PCSK5: variants seen among roughly 807,000 people sequenced by gnomAD.
PCSK5 encodes the protein prohormone convertase 5.
PCSK5 carries 129 observed loss-of-function variants against 233.2 expected under a neutral mutation model. The observed-to-expected ratio is 0.55, with a 90% CI of 0.48 to 0.64. PCSK5 has a LOEUF of 0.64. Ranked by LOEUF, PCSK5 falls within the 30% of genes least tolerant of loss-of-function variation. The pLI, the probability that PCSK5 is intolerant of heterozygous loss-of-function variation, is 0.00. For missense variants in PCSK5, 2,076 were observed against 2,430.1 expected (o/e 0.85, Z 3.06); for synonymous variants, 825 against 879.2 (o/e 0.94, Z 1.09).
chr9:76,157,283 G>T (rs573462773), intron 11 of PCSK5, 121 bp downstream of exon 11: 5 of 681,522 alleles, frequency 7.3e-6, no homozygotes, highest in Admixed American at 6.6e-5. Flanking sequence ...TCTCTCTAAT[G>T]TGACTATGAA....
chr9:76,206,299 G>T (rs1277601833), intron 20 of PCSK5, among the ~76,000 whole-genome samples: 1 of 152,172 alleles, frequency 6.6e-6, no homozygotes, highest in Non-Finnish European at 1.5e-5. Flanking sequence ...CAGCCACTTA[G>T]CATGTAACTT....
chr9:76,002,094 C>G (rs1458407859), intron 3 of PCSK5, among the ~76,000 whole-genome samples: 2 of 152,190 alleles, frequency 1.3e-5, no homozygotes, highest in Non-Finnish European at 2.9e-5. Context: ...CATTCAACAA[C>G]ATTTATTGAA....
At position 75,943,034 on chromosome 9, in the gene PCSK5, G is replaced by A. The variant is rs1246540144; in HGVS notation, c.297+10551G>A. Among the ~76,000 whole-genome samples, 9 of 151,856 alleles carry A rather than the reference G, an allele frequency of 5.9e-5. No individual in the cohort carries two copies. The South Asian group carries it at 6.3e-4, about 11-fold the overall frequency. On this transcript the variant is annotated intron_variant, in intron 2 of 37. Transcript: ENST00000674117. ...TGGGTAGCTGGGATTACAGGCGCTCGCCACCACACCTGGCTAATTTTTGTA... is the reference window on the plus strand; with the variant it reads ...TGGGTAGCTGGGATTACAGGCGCTCACCACCACACCTGGCTAATTTTTGTA...
chr9:76,224,596 T>C (rs1409140339), intron 20 of PCSK5, among the ~76,000 whole-genome samples: 1 of 151,724 alleles, frequency 6.6e-6, no homozygotes, highest in African/African-American at 2.4e-5. Flanking sequence ...TGACAGGGAG[T>C]CACCTAGGAT....
chr9:76,135,281 A>G (rs1210355182), intron 10 of PCSK5, among the ~76,000 whole-genome samples: 1 of 152,088 alleles, frequency 6.6e-6, no homozygotes, highest in Non-Finnish European at 1.5e-5. Context: ...TTCTGCCAGA[A>G]TGTATATTTT....
chr9:76,171,272 A>G (rs928838801), intron 13 of PCSK5, among the ~76,000 whole-genome samples: 3 of 152,158 alleles, frequency 2.0e-5, no homozygotes, highest in African/African-American at 7.2e-5. Context: ...GAGGTTGCAC[A>G]GGGTCATGGC....
At chr9:75,892,662 G>T (rs1026680791) in intron 1 of PCSK5, among the ~76,000 whole-genome samples, 5 of 152,200 alleles carry the variant, frequency 3.3e-5, no homozygotes, top group Non-Finnish European at 1.5e-5. Context: ...GGAACCCGGG[G>T]ACACCCCCCG....
At chr9:76,310,531 T>C (rs1828835272) in intron 29 of PCSK5, 125 bp from the exon 30 acceptor site, 1 of 526,680 alleles carries the variant, frequency 1.9e-6, no homozygotes, top group South Asian at 4.7e-5. Context: ...CACTAGCAAA[T>C]ATTTTGGTAA....
chr9:76,266,256 T>C (rs762256381), intron 24 of PCSK5, among the ~76,000 whole-genome samples: 8 of 152,196 alleles, frequency 5.3e-5, no homozygotes, highest in Non-Finnish European at 8.8e-5. Flanking sequence ...TGGTAGGCTA[T>C]ATATCTCTTC....
intron 9 of PCSK5, among the ~76,000 whole-genome samples, chr9:76,108,762 A>G (rs1420699876): frequency 6.6e-6 from 1 of 152,204 alleles, no homozygotes; most frequent in East Asian, 1.9e-4. Flanking sequence ...CAAGAAAAGA[A>G]AAGAATCATG....
At chr9:76,153,119 CAAAA>C in intron 10 of PCSK5, among the ~76,000 whole-genome samples, 1 of 152,136 alleles carries the variant, frequency 6.6e-6, no homozygotes, top group Non-Finnish European at 1.5e-5. Flanking sequence ...TTATACCTAT[CAAAA>C]TGTAAGCAGC....
intron 20 of PCSK5, among the ~76,000 whole-genome samples, chr9:76,222,702 G>C (rs1224925485): frequency 1.3e-5 from 2 of 152,168 alleles, no homozygotes; most frequent in Non-Finnish European, 2.9e-5. Context: ...CTGAATGATT[G>C]TGTTGACTTA....
chr9:75,904,380 C>T (rs2131210006), intron 1 of PCSK5, among the ~76,000 whole-genome samples: 1 of 152,160 alleles, frequency 6.6e-6, no homozygotes, highest in East Asian at 1.9e-4. Context: ...TAAATATTTG[C>T]AAATCATATC....
chr9:75,944,564 G>T (rs1824473487), intron 2 of PCSK5, among the ~76,000 whole-genome samples: 1 of 152,074 alleles, frequency 6.6e-6, no homozygotes, highest in Admixed American at 6.5e-5. Context: ...TTTCTTGAGA[G>T]CACTTTCCCA....
intron 24 of PCSK5, among the ~76,000 whole-genome samples, chr9:76,247,699 G>T (rs1826660186): frequency 6.6e-6 from 1 of 152,112 alleles, no homozygotes; most frequent in African/African-American, 2.4e-5. Flanking sequence ...AGAGAAAAAA[G>T]ATAACTAAGA....
intron 9 of PCSK5, among the ~76,000 whole-genome samples, chr9:76,128,728 T>C (rs1401521702): frequency 6.6e-6 from 1 of 152,180 alleles, no homozygotes; most frequent in Non-Finnish European, 1.5e-5. Context: ...CAATAAAACT[T>C]TGTGTGGTCC....
intron 2 of PCSK5, among the ~76,000 whole-genome samples, chr9:75,954,231 G>A (rs1824996596): frequency 6.6e-6 from 1 of 152,022 alleles, no homozygotes. Context: ...ATTATCATCA[G>A]GATATGTTTT....
rs530409954 is a variant in PCSK5 at position 76,100,759 on chromosome 9, T to C, written c.1107+4657T>C. Among the ~76,000 whole-genome samples the C allele has an allele frequency of 5.9e-5, 9 of 152,336 alleles. No individual in the cohort carries two copies. The South Asian group carries it at 1.0e-3, about 18-fold the overall frequency. On this transcript the variant is annotated intron_variant, in intron 8 of 37. Transcript: ENST00000674117. ...TTTAGTCTCCTCATTTTGAATTTCATTCCTTTACCCTTTTTCATACCCCCT... is the reference window on the plus strand; with the variant it reads ...TTTAGTCTCCTCATTTTGAATTTCACTCCTTTACCCTTTTTCATACCCCCT...
chr9:76,008,696 G>A (rs1431953258), intron 3 of PCSK5, among the ~76,000 whole-genome samples: 2 of 152,044 alleles, frequency 1.3e-5, no homozygotes, highest in Non-Finnish European at 1.5e-5. Context: ...TCCTGACCTC[G>A]TGATCCACCT....
Sources: allele counts gnomAD v4.1 joint callset (sites outside exome capture counted in the v4.1 genomes callset), GRCh38; gene constraint gnomAD v4.1.1; transcripts MANE v1.5; gene names NCBI Gene and HGNC (gene_info 2026-07-23, HGNC 2026-07-21).